Variants in OLFM3 observed in about 807,000 individuals in gnomAD.
OLFM3 encodes the protein olfactomedin 3, also known as noelin-3.
OLFM3 carries 20 observed loss-of-function variants against 48.6 expected under a neutral mutation model. That is an observed-to-expected ratio of 0.41 (90% CI 0.29 to 0.60). OLFM3 has a LOEUF of 0.60. OLFM3 is among the 20% of genes least tolerant of loss of function. The pLI is 0.28. For missense variants in OLFM3, 437 were observed against 544.3 expected, an observed-to-expected ratio of 0.80 and a Z score of 1.96; for synonymous variants, 222 against 198.1, an observed-to-expected ratio of 1.12 and a Z score of -1.01.
At chr1:101,995,262 T>C (rs1021692623) in intron 1 of OLFM3, among the ~76,000 whole-genome samples, 13 of 152,138 alleles carry the variant, frequency 8.5e-5, no homozygotes, top group African/African-American at 3.1e-4. Flanking sequence ...TCATATGGAA[T>C]GTATTCAAAA....
intron 1 of OLFM3, chr1:101,893,448 A>G (rs1475080346): frequency 3.7e-6 from 1 of 272,262 alleles, no homozygotes; most frequent in African/African-American, 2.3e-5. Context: ...GGAGAAGACG[A>G]TTCTAGAAAT....
At chr1:101,842,723 C>G (rs932528908) in intron 1 of OLFM3, among the ~76,000 whole-genome samples, 1 of 152,144 alleles carries the variant, frequency 6.6e-6, no homozygotes, top group Non-Finnish European at 1.5e-5. Context: ...AAAGGGATTT[C>G]ACTGCTTTAC....
chr1:101,855,189 A>C (rs1375197981), intron 1 of OLFM3, among the ~76,000 whole-genome samples: 1 of 152,042 alleles, frequency 6.6e-6, no homozygotes. Flanking sequence ...TTTTATTGAG[A>C]AGCTTCCTTA....
chr1:101,960,136 G>A (rs1660425300), intron 1 of OLFM3, among the ~76,000 whole-genome samples: 1 of 152,120 alleles, frequency 6.6e-6, no homozygotes, highest in Admixed American at 6.6e-5. Flanking sequence ...ATGTAATTGT[G>A]TACCAAAAGC....
chr1:101,968,825 G>A (rs1315715456), intron 1 of OLFM3, among the ~76,000 whole-genome samples: 2 of 152,172 alleles, frequency 1.3e-5, no homozygotes, highest in African/African-American at 4.8e-5. Flanking sequence ...AATCACTGGA[G>A]TTTTTAAAGA....
intron 1 of OLFM3, among the ~76,000 whole-genome samples, chr1:101,874,811 A>G (rs972447584): frequency 1.3e-5 from 2 of 151,988 alleles, no homozygotes; most frequent in Non-Finnish European, 2.9e-5. Context: ...TCTAACTTTA[A>G]GAAATAGGGG....
chr1:101,894,724 C>A (rs1378657865), intron 1 of OLFM3, among the ~76,000 whole-genome samples: 1 of 151,978 alleles, frequency 6.6e-6, no homozygotes, highest in Non-Finnish European at 1.5e-5. Flanking sequence ...GTTTCAAAGT[C>A]CAATAAAGGG....
chr1:101,918,150 T>C (rs1327831300), intron 1 of OLFM3, among the ~76,000 whole-genome samples: 1 of 152,180 alleles, frequency 6.6e-6, no homozygotes, highest in Admixed American at 6.6e-5. Context: ...CAAGGTGCTG[T>C]GGAGATCTGT....
chr1:101,993,064 A>G (rs1456834458), intron 1 of OLFM3, among the ~76,000 whole-genome samples: 1 of 152,190 alleles, frequency 6.6e-6, no homozygotes, highest in Non-Finnish European at 1.5e-5. Flanking sequence ...TATATTTATG[A>G]GACAAGTATG....
intron 1 of OLFM3, chr1:101,893,171 A>G (rs1181943978): frequency 7.2e-6 from 2 of 277,286 alleles, no homozygotes; most frequent in East Asian, 2.2e-4. Context: ...TAACCTTAGA[A>G]GATTTATATG....
At chr1:101,864,407 A>G (rs1656778528) in intron 1 of OLFM3, among the ~76,000 whole-genome samples, 1 of 152,126 alleles carries the variant, frequency 6.6e-6, no homozygotes, top group Admixed American at 6.6e-5. Context: ...AGCTACCTCA[A>G]TCTATCCTTA....
chr1:101,812,813 T>G (rs1654133963), intron 4 of OLFM3: 4 of 991,670 alleles, frequency 4.0e-6, no homozygotes, highest in Non-Finnish European at 4.8e-6. Context: ...TAGTTGACTC[T>G]TTTATTTTGT....
intron 1 of OLFM3, among the ~76,000 whole-genome samples, chr1:101,901,605 T>C (rs1182510433): frequency 6.6e-6 from 1 of 151,970 alleles, no homozygotes; most frequent in Non-Finnish European, 1.5e-5. Flanking sequence ...TAGGAGGCTA[T>C]CGAAAAAGTC....
At chr1:101,897,683 A>G (rs892477102) in intron 1 of OLFM3, among the ~76,000 whole-genome samples, 5 of 152,156 alleles carry the variant, frequency 3.3e-5, no homozygotes, top group African/African-American at 1.2e-4. Context: ...AACAGCTATG[A>G]TTTACCAACT....
At chr1:101,829,980 G>A (rs991095997) in intron 3 of OLFM3, among the ~76,000 whole-genome samples, 7 of 151,630 alleles carry the variant, frequency 4.6e-5, no homozygotes, top group African/African-American at 9.7e-5. Context: ...GACTACAGGC[G>A]CCCACCACCA....
At chr1:101,816,759 G>T (rs970951077) in intron 4 of OLFM3, among the ~76,000 whole-genome samples, 1 of 152,140 alleles carries the variant, frequency 6.6e-6, no homozygotes, top group South Asian at 2.1e-4. Context: ...GTATATGCTG[G>T]TGGACAGAAG....
chr1:101,846,900 G>T (rs1039112429), intron 1 of OLFM3: 6 of 1,612,648 alleles, frequency 3.7e-6, no homozygotes, highest in Non-Finnish European at 5.1e-6. Context: ...GGATGGGAGA[G>T]TTTGGGACAT....
At chr1:101,898,684 AC>A (rs1658287778) in intron 1 of OLFM3, among the ~76,000 whole-genome samples, 1 of 152,100 alleles carries the variant, frequency 6.6e-6, no homozygotes, top group East Asian at 1.9e-4. Context: ...CCCTGTCTCT[AC>A]TAAAAATACA....
chr1:101,882,279 A>T (rs1365633282), intron 1 of OLFM3, among the ~76,000 whole-genome samples: 2 of 148,806 alleles, frequency 1.3e-5, no homozygotes, highest in East Asian at 3.9e-4. Context: ...AAAATCAACA[A>T]AACAACACTA....
Sources: allele counts gnomAD v4.1 joint callset (sites outside exome capture counted in the v4.1 genomes callset), GRCh38; gene constraint gnomAD v4.1.1; transcripts MANE v1.5; gene names NCBI Gene and HGNC (gene_info 2026-07-23, HGNC 2026-07-21).